PGM5: variants seen among roughly 807,000 people sequenced by gnomAD.
PGM5 encodes the protein phosphoglucomutase-like protein 5.
Under a neutral mutation model 59.2 loss-of-function variants are expected in PGM5, and 23 were observed. That is an observed-to-expected ratio of 0.39 (90% CI 0.28 to 0.55). PGM5 has a LOEUF of 0.55. Ranked by LOEUF, PGM5 falls within the 20% of genes least tolerant of loss-of-function variation. PGM5 has a pLI of 0.66. For synonymous variants in PGM5, 214 were observed against 286.0 expected (o/e 0.75, Z 2.54); for missense variants, 574 against 748.3 (o/e 0.77, Z 2.72).
At chr9:68,474,183 A>T (rs535427038) in intron 7 of PGM5, among the ~76,000 whole-genome samples, 180 of 152,276 alleles carry the variant, frequency 1.2e-3, no homozygotes, top group African/African-American at 3.8e-3. Flanking sequence ...GTATTTTTTT[A>T]AAATCTCCTT....
chr9:68,457,295 C>A (rs1554684978), intron 6 of PGM5, among the ~76,000 whole-genome samples: 4 of 152,138 alleles, frequency 2.6e-5, no homozygotes, highest in Non-Finnish European at 5.9e-5. Flanking sequence ...CCTCATAGAA[C>A]ATGGGACAGA....
At position 68,437,577 on chromosome 9, in the gene PGM5, TCA is replaced by T. The variant is rs142454172; in HGVS notation, c.1044-27494_1044-27493del. On this transcript the variant is annotated intron_variant, in intron 6 of 10. Coordinates refer to ENST00000396396, the MANE Select transcript of PGM5 (RefSeq NM_021965.4). The surrounding 1 kb of genome is among the most constrained non-coding windows in gnomAD (Gnocchi z 4.1). Reference sequence around the variant, plus strand: ...CAATTTTTCAAAGGGACACACACACTCACACACACACACACACACACACTCTC... The same window carrying T: ...CAATTTTTCAAAGGGACACACACACTCACACACACACACACACACACTCTC... Among the ~76,000 whole-genome samples, 1,076 of 144,786 alleles carry T rather than the reference TCA, an allele frequency of 7.4e-3. 6 individuals are homozygous for T. Among genetic ancestry groups the T allele is most frequent in the East Asian group, 0.017 (84 of 4,988 alleles). The allele number at this position is 144,786 out of a possible 152,430, so 95.0% of individuals were successfully genotyped here. A position where few individuals can be genotyped will look rare whatever the true frequency, so the allele number is the denominator to read the frequency against.
At chr9:68,487,421 T>A (rs1169744459) in intron 9 of PGM5, among the ~76,000 whole-genome samples, 1 of 133,424 alleles carries the variant, frequency 7.5e-6, no homozygotes, top group Non-Finnish European at 1.6e-5. Flanking sequence ...AAGAAAAGGA[T>A]ACAACTATTC....
At chr9:68,401,931 A>G (rs12346524) in intron 6 of PGM5, among the ~76,000 whole-genome samples, 1,879 of 38,478 alleles carry the variant, frequency 0.049, 25 homozygotes, top group African/African-American at 0.14. Flanking sequence ...GTGTGTGTGT[A>G]TATATTTGTC....
intron 6 of PGM5, among the ~76,000 whole-genome samples, chr9:68,442,764 A>G (rs1823548935): frequency 6.6e-6 from 1 of 152,260 alleles, no homozygotes; most frequent in African/African-American, 2.4e-5. Flanking sequence ...ATACTTCACC[A>G]GAGAGGATAT....
Position 68,403,546 on chromosome 9 carries a change from A to G in PGM5, c.1043+11073A>G, listed in dbSNP as rs1468890534. ...ATATAGTATGTTGTTTGATTGTCAT[A>G]CAAACCTTCAGAAGTATTTGAGGCA... is the stretch of plus-strand genomic sequence containing the variant. On this transcript the variant is annotated intron_variant, in intron 6 of 10. Coordinates refer to ENST00000396396, the MANE Select transcript of PGM5 (RefSeq NM_021965.4). 5.3e-5 allele frequency among the ~76,000 whole-genome samples: 8 copies of G among 152,292 alleles called. 1 individual carries two copies. Among genetic ancestry groups the G allele is most frequent in the African/African-American group, 1.9e-4 (8 of 41,562 alleles).
intron 10 of PGM5, among the ~76,000 whole-genome samples, chr9:68,499,564 A>G (rs1468896044): frequency 4.6e-5 from 7 of 152,194 alleles, no homozygotes; most frequent in African/African-American, 1.7e-4. Flanking sequence ...TCTCGCATCT[A>G]TTTGTAATCC....
chr9:68,472,968 G>A (rs1245137296), intron 7 of PGM5, among the ~76,000 whole-genome samples: 1 of 152,124 alleles, frequency 6.6e-6, no homozygotes, highest in Non-Finnish European at 1.5e-5. Flanking sequence ...TGAACATTAG[G>A]TACATTTAAG....
intron 6 of PGM5, among the ~76,000 whole-genome samples, chr9:68,444,360 A>T (rs1367230464): frequency 6.6e-6 from 1 of 152,118 alleles, no homozygotes; most frequent in Non-Finnish European, 1.5e-5. Context: ...TGGTTATGAT[A>T]TAAGGAAATG....
intron 6 of PGM5, among the ~76,000 whole-genome samples, chr9:68,395,537 T>C (rs1822477438): frequency 6.6e-6 from 1 of 152,136 alleles, no homozygotes; most frequent in African/African-American, 2.4e-5. Flanking sequence ...TTGGGGAGAA[T>C]AGTATTTTAA....
At chr9:68,508,449 A>T (rs1824692100) in intron 10 of PGM5, among the ~76,000 whole-genome samples, 1 of 152,260 alleles carries the variant, frequency 6.6e-6, no homozygotes, top group Non-Finnish European at 1.5e-5. Flanking sequence ...AAACCTAAAA[A>T]TGTTTTGATT....
chr9:68,377,804 G>T (rs540857219), intron 1 of PGM5, among the ~76,000 whole-genome samples: 1 of 152,364 alleles, frequency 6.6e-6, no homozygotes, highest in South Asian at 2.1e-4. Flanking sequence ...AGCAGAAGAA[G>T]CAGAGAAGCA....
chr9:68,473,912 G>A (rs1198076307), intron 7 of PGM5, among the ~76,000 whole-genome samples: 1 of 152,082 alleles, frequency 6.6e-6, no homozygotes, highest in African/African-American at 2.4e-5. Context: ...GGCCAGGGCC[G>A]TGAATTAAAT....
intron 4 of PGM5, 81 bp downstream of exon 4, chr9:68,387,669 A>G: frequency 7.2e-7 from 1 of 1,379,478 alleles, no homozygotes; most frequent in Non-Finnish European, 1.0e-6. Flanking sequence ...GGTTAAGAGG[A>G]AAGTTGGATT....
chr9:68,479,866 G>A lies in PGM5; in HGVS notation c.1295+313G>A, dbSNP rs369148771. 3.6e-3 allele frequency among the ~76,000 whole-genome samples: 541 copies of A among 151,206 alleles called. 6 individuals carry two copies. The highest frequency in any genetic ancestry group is 0.012 in the African/African-American group (506 of 41,194). On this transcript the variant is annotated intron_variant, in intron 8 of 10. Coordinates refer to ENST00000396396, the MANE Select transcript of PGM5 (RefSeq NM_021965.4). ...GGAGAATGGCGTGAACCCGGAAGGC[G>A]GAGCCGAGATCCCGCCACTGCACTC...
intron 6 of PGM5, among the ~76,000 whole-genome samples, chr9:68,459,599 C>T (rs552085513): frequency 6.6e-6 from 1 of 152,270 alleles, no homozygotes; most frequent in Admixed American, 6.5e-5. Context: ...AATAAATACA[C>T]CACAGTTGGT....
intron 9 of PGM5, chr9:68,497,309 A>C (rs1298190334): frequency 1.3e-5 from 2 of 152,252 alleles, no homozygotes; most frequent in Non-Finnish European, 2.9e-5. Context: ...TGCCTAATCC[A>C]TAAGGGCCAC....
At chr9:68,455,662 T>C (rs1554684749) in intron 6 of PGM5, among the ~76,000 whole-genome samples, 1 of 152,112 alleles carries the variant, frequency 6.6e-6, no homozygotes, top group East Asian at 1.9e-4. Flanking sequence ...TCGGGGAGGG[T>C]AGATCTTCCA....
chr9:68,512,325 T>C (rs1824763078), intron 10 of PGM5, among the ~76,000 whole-genome samples: 1 of 152,206 alleles, frequency 6.6e-6, no homozygotes, highest in South Asian at 2.1e-4. Flanking sequence ...GAGTCAAGTT[T>C]TTTCTGAATA....
Sources: allele counts gnomAD v4.1 joint callset (sites outside exome capture counted in the v4.1 genomes callset), GRCh38; gene constraint gnomAD v4.1.1; non-coding constraint Gnocchi (gnomAD v3.1); transcripts MANE v1.5; gene names NCBI Gene and HGNC (gene_info 2026-07-23, HGNC 2026-07-21).